Variants in CNTNAP3 observed in about 807,000 individuals in gnomAD.
CNTNAP3 encodes the protein contactin associated protein family member 3.
CNTNAP3 carries 36 observed loss-of-function variants against 92.1 expected under a neutral mutation model. That is an observed-to-expected ratio of 0.39 (90% CI 0.30 to 0.52). The LOEUF is 0.52. CNTNAP3 is among the 20% of genes least tolerant of loss of function. The probability of loss-of-function intolerance (pLI) is 0.76; values close to 1 mark genes in which losing one functional copy is unlikely to be tolerated. For synonymous variants in CNTNAP3, 232 were observed against 422.3 expected (o/e 0.55, Z 5.53); for missense variants, 534 against 1,069.6 (o/e 0.50, Z 6.98).
rs534544866 is a variant in CNTNAP3 at position 39,100,218 on chromosome 9, C to T, written c.2756-68G>A. 11 of 1,387,210 alleles carry T rather than the reference C, an allele frequency of 7.9e-6. No homozygotes were observed. The East Asian group carries it at 2.0e-4, about 25-fold the overall frequency. 85.9% of individuals were successfully genotyped at this position (1,387,210 alleles called of 1,614,324 possible). ...TTTATTCAGGATTTTATGTCCATGT[C>T]AAACTCAGGCCTTATGGAGAGTGGC... On this transcript the variant is annotated intron_variant, in intron 17 of 23. Transcript: ENST00000297668.
chr9:39,141,495 C>G (rs1036030054), intron 11 of CNTNAP3, among the ~76,000 whole-genome samples: 2 of 152,084 alleles, frequency 1.3e-5, no homozygotes, highest in Non-Finnish European at 2.9e-5. Flanking sequence ...AGCTGAAATT[C>G]AAAACAGGAG....
rs1388380473 is a variant in CNTNAP3, at chr9:39,248,914, A to G, written c.197-9728T>C. Among the ~76,000 whole-genome samples, 2 of 11,766 alleles carry G rather than the reference A, an allele frequency of 1.7e-4. 1 individual carries two copies. The highest frequency in any genetic ancestry group is 1.9e-4 in the African/African-American group (2 of 10,578). The allele number at this position is 11,766 out of a possible 152,430, so 7.7% of individuals were successfully genotyped here. On this transcript the variant is annotated intron_variant, in intron 2 of 23. Transcript: ENST00000297668. ...CAGCCGCTAGGAACATTTAAGTCTTAGAGTGGACATATATTTTTTGGAGTG... is the reference window on the plus strand; with the variant it reads ...CAGCCGCTAGGAACATTTAAGTCTTGGAGTGGACATATATTTTTTGGAGTG...
intron 12 of CNTNAP3, among the ~76,000 whole-genome samples, chr9:39,139,519 ATTTG>A (rs1821520309): frequency 6.6e-6 from 1 of 152,114 alleles, no homozygotes; most frequent in African/African-American, 2.4e-5. Context: ...AATTTCAGTT[ATTTG>A]TTTCTTTTTC....
chr9:39,121,634 T>C (rs1371544274), intron 13 of CNTNAP3, among the ~76,000 whole-genome samples: 4 of 152,088 alleles, frequency 2.6e-5, no homozygotes, highest in African/African-American at 9.7e-5. Context: ...GACTAATTGA[T>C]GGATACTGAG....
intron 18 of CNTNAP3, among the ~76,000 whole-genome samples, chr9:39,089,289 T>C (rs1564069980): frequency 6.6e-6 from 1 of 152,152 alleles, no homozygotes; most frequent in Non-Finnish European, 1.5e-5. Context: ...AGATTTCATA[T>C]CAGTGGAATC....
At chr9:39,133,463 T>A (rs1241218364) in intron 12 of CNTNAP3, among the ~76,000 whole-genome samples, 1 of 151,504 alleles carries the variant, frequency 6.6e-6, no homozygotes, top group Non-Finnish European at 1.5e-5. Flanking sequence ...CCTGGACCTT[T>A]ATCTTTTTAA....
At chr9:39,089,527 C>T (rs954016521) in intron 18 of CNTNAP3, among the ~76,000 whole-genome samples, 4 of 152,024 alleles carry the variant, frequency 2.6e-5, no homozygotes, top group Non-Finnish European at 5.9e-5. Context: ...CATGAAAATT[C>T]ACGTGTAAGT....
chr9:39,138,869 G>C (rs575208088), intron 12 of CNTNAP3, among the ~76,000 whole-genome samples: 181 of 152,270 alleles, frequency 1.2e-3, no homozygotes, highest in African/African-American at 4.2e-3. Flanking sequence ...GCAGTGGTTT[G>C]TTCTGTGACC....
At chr9:39,089,071 T>C (rs931958935) in intron 18 of CNTNAP3, among the ~76,000 whole-genome samples, 2 of 152,260 alleles carry the variant, frequency 1.3e-5, no homozygotes, top group Non-Finnish European at 2.9e-5. Flanking sequence ...CAGTGTAAAA[T>C]TCTATGTCTT....
At position 39,066,296 on chromosome 9, in the gene CNTNAP3, G is replaced by T. The variant is rs1364361554; in HGVS notation, c.*7594C>A. Among the ~76,000 whole-genome samples the T allele has an allele frequency of 1.3e-5, 2 of 152,160 alleles. No individual in the cohort carries two copies. Among genetic ancestry groups the T allele is most frequent in the African/African-American group, 4.8e-5 (2 of 41,428 alleles). On this transcript the variant is annotated 3_prime_UTR_variant, in exon 24 of 24. Transcript: ENST00000297668. The stretch of plus-strand genomic sequence containing the variant: ...TTTCCATTTACTCTAGGTTATTGTT[G>T]TCATATATTTTACTTTTACTCATGC...
intron 15 of CNTNAP3, among the ~76,000 whole-genome samples, chr9:39,107,305 G>C (rs1223479592): frequency 6.6e-6 from 1 of 151,948 alleles, no homozygotes; most frequent in African/African-American, 2.4e-5. Context: ...GAGGGAGGGA[G>C]GGAGTGGGGA....
At chr9:39,147,501 T>TA (rs756371631) in intron 10 of CNTNAP3, among the ~76,000 whole-genome samples, 15 of 152,212 alleles carry the variant, frequency 9.9e-5, no homozygotes, top group Non-Finnish European at 2.9e-5. Context: ...GCTAGTCTTC[T>TA]ACGTTACTGA....
chr9:39,097,123 T>C (rs866931638), intron 18 of CNTNAP3, among the ~76,000 whole-genome samples: 6 of 152,134 alleles, frequency 3.9e-5, no homozygotes, highest in South Asian at 2.1e-4. Context: ...TGCTGACTCT[T>C]TTTTCTTTTC....
Position 39,144,915 on chromosome 9 carries a change from G to A in CNTNAP3, c.1650-569C>T, listed in dbSNP as rs926556441. Among the ~76,000 whole-genome samples, 6 of 151,846 alleles carry A rather than the reference G, an allele frequency of 4.0e-5. 1 individual carries two copies. The highest frequency in any genetic ancestry group is 6.8e-3 in the Middle Eastern group (2 of 294). The stretch of plus-strand genomic sequence containing the variant: ...TGGTAATATGTCAATATGACCCAAA[G>A]CAATCCACAAATTCAATACAATTCT... On this transcript the variant is annotated intron_variant, in intron 10 of 23. Transcript: ENST00000297668.
At chr9:39,084,005 T>A (rs1826007854) in intron 21 of CNTNAP3, among the ~76,000 whole-genome samples, 2 of 151,402 alleles carry the variant, frequency 1.3e-5, no homozygotes, top group Non-Finnish European at 2.9e-5. Context: ...TGGACCATTT[T>A]TTTCTAAGGC....
intron 12 of CNTNAP3, among the ~76,000 whole-genome samples, chr9:39,139,456 A>G (rs936552869): frequency 6.6e-6 from 1 of 152,244 alleles, no homozygotes; most frequent in African/African-American, 2.4e-5. Context: ...CGTCCCCTGT[A>G]AAGTTTTACT....
intron 14 of CNTNAP3, among the ~76,000 whole-genome samples, chr9:39,113,805 T>C (rs1820774120): frequency 6.6e-6 from 1 of 151,368 alleles, no homozygotes; most frequent in African/African-American, 2.4e-5. Flanking sequence ...GAAATAATTT[T>C]TCCTTACTAA....
chr9:39,170,390 G>A (rs1337158269), intron 8 of CNTNAP3, among the ~76,000 whole-genome samples: 1 of 109,272 alleles, frequency 9.2e-6, no homozygotes, highest in Non-Finnish European at 1.7e-5. Context: ...CAGCCTCTTC[G>A]TCTGTGCCTT....
chr9:39,093,943 T>C (rs1025061230), intron 18 of CNTNAP3, among the ~76,000 whole-genome samples: 3 of 151,336 alleles, frequency 2.0e-5, no homozygotes, highest in African/African-American at 7.3e-5. Flanking sequence ...TCTAAATCAA[T>C]TTCTACAGTG....
Sources: gnomAD v4.1 joint callset for allele counts (sites outside exome capture counted in the v4.1 genomes callset) on GRCh38, gnomAD v4.1.1 for gene constraint, MANE v1.5 for transcripts, NCBI Gene and HGNC (gene_info 2026-07-23, HGNC 2026-07-21) for gene names.